The following ADK variants were observed in gnomAD, a reference collection of about 807,000 sequenced individuals.
The protein encoded by ADK is N6,N6-dimethyladenosine kinase.
A neutral mutation model predicts 44.7 loss-of-function variants in ADK; 24 were observed. The ratio of observed to expected loss-of-function variants is 0.54; its 90% CI spans 0.39 to 0.76. ADK has a LOEUF of 0.76. Among genes scored for constraint, ADK ranks in the 30% least tolerant of loss-of-function variants. The pLI, the probability that ADK is intolerant of heterozygous loss-of-function variation, is 0.00. For missense variants in ADK, 321 were observed against 425.1 expected, an observed-to-expected ratio of 0.76 and a Z score of 2.15; for synonymous variants, 128 against 142.6, an observed-to-expected ratio of 0.90 and a Z score of 0.73.
intron 3 of ADK, among the ~76,000 whole-genome samples, chr10:74,237,378 C>G (rs1425915296): frequency 6.6e-6 from 1 of 152,208 alleles, no homozygotes; most frequent in Non-Finnish European, 1.5e-5. Flanking sequence ...CATCTTCAGG[C>G]TCCACTTCCA....
intron 9 of ADK, among the ~76,000 whole-genome samples, chr10:74,659,640 A>G (rs1854623371): frequency 6.6e-6 from 1 of 152,218 alleles, no homozygotes; most frequent in Non-Finnish European, 1.5e-5. Context: ...AAGTAGTATT[A>G]ACTCACACAA....
intron 4 of ADK, among the ~76,000 whole-genome samples, chr10:74,370,044 G>T (rs562695299): frequency 6.6e-6 from 1 of 152,038 alleles, no homozygotes; most frequent in Non-Finnish European, 1.5e-5. Context: ...ATAAATAATA[G>T]GCTATACTTG....
At chr10:74,343,030 G>T (rs1455526852) in intron 4 of ADK, among the ~76,000 whole-genome samples, 2 of 152,132 alleles carry the variant, frequency 1.3e-5, no homozygotes, top group Admixed American at 1.3e-4. Context: ...AACAGAAGTG[G>T]CAAGAAGAGA....
At chr10:74,576,425 A>G (rs1389872969) in intron 7 of ADK, among the ~76,000 whole-genome samples, 1 of 152,178 alleles carries the variant, frequency 6.6e-6, no homozygotes, top group South Asian at 2.1e-4. Flanking sequence ...ATGCTAAGAA[A>G]TTTTGGATGG....
intron 1 of ADK, among the ~76,000 whole-genome samples, chr10:74,193,438 ATGGTGTG>A (rs1348304613): frequency 1.3e-5 from 2 of 149,420 alleles, no homozygotes; most frequent in African/African-American, 2.5e-5. Context: ...TAGTGTTTTC[ATGGTGTG>A]TCTTTTTGCT....
At position 74,332,335 on chromosome 10, in the gene ADK, T is replaced by C. The variant is rs571438341; in HGVS notation, c.273+17590T>C. On this transcript the variant is annotated intron_variant, in intron 4 of 10. Transcript: ENST00000539909. ...TGTATTTTTTTATTTCTGTACAAAG[T>C]TTACTCACATTTCTATGTCTAGCCA... is the stretch of plus-strand genomic sequence containing the variant. Among the ~76,000 whole-genome samples, 5 of 152,334 alleles carry C rather than the reference T, an allele frequency of 3.3e-5. No homozygotes were observed. In the East Asian group the frequency reaches 9.6e-4, roughly 29 times the overall value.
At chr10:74,154,387 G>A (rs1564563919) in intron 1 of ADK, among the ~76,000 whole-genome samples, 1 of 152,078 alleles carries the variant, frequency 6.6e-6, no homozygotes, top group Non-Finnish European at 1.5e-5. Context: ...TGCTGCCTCC[G>A]CCTCCCAAGT....
chr10:74,255,473 T>C (rs1038653681), intron 3 of ADK, among the ~76,000 whole-genome samples: 2 of 152,178 alleles, frequency 1.3e-5, no homozygotes, highest in Non-Finnish European at 2.9e-5. Context: ...TTGGTTCTGC[T>C]TTTACCTTTG....
At chr10:74,515,613 C>G (rs1472208231) in intron 6 of ADK, among the ~76,000 whole-genome samples, 3 of 152,096 alleles carry the variant, frequency 2.0e-5, no homozygotes, top group Non-Finnish European at 4.4e-5. Context: ...GACTGTTGGG[C>G]AGGCCAAGGG....
At chr10:74,418,190 C>T (rs181873326) in intron 6 of ADK, among the ~76,000 whole-genome samples, 166 of 152,238 alleles carry the variant, frequency 1.1e-3, no homozygotes, top group African/African-American at 3.2e-3. Context: ...AACTTGTACT[C>T]CCCAAAATAA....
At chr10:74,297,784 C>T (rs1444210795) in intron 3 of ADK, among the ~76,000 whole-genome samples, 1 of 152,182 alleles carries the variant, frequency 6.6e-6, no homozygotes, top group African/African-American at 2.4e-5. Context: ...TATTAGAAGA[C>T]ACTGATGCAT....
At chr10:74,421,233 A>G (rs1844544657) in intron 6 of ADK, among the ~76,000 whole-genome samples, 1 of 152,178 alleles carries the variant, frequency 6.6e-6, no homozygotes, top group African/African-American at 2.4e-5. Flanking sequence ...GAAACACTCT[A>G]TTCTAGTTGG....
intron 9 of ADK, among the ~76,000 whole-genome samples, chr10:74,668,909 G>A (rs1219482835): frequency 6.6e-6 from 1 of 150,852 alleles, no homozygotes; most frequent in Non-Finnish European, 1.5e-5. Context: ...TTGACCAGCT[G>A]TGGTGCTGCG....
At chr10:74,342,017 A>G (rs1402843617) in intron 4 of ADK, among the ~76,000 whole-genome samples, 8 of 152,186 alleles carry the variant, frequency 5.3e-5, no homozygotes, top group Non-Finnish European at 4.4e-5. Flanking sequence ...GTAGCATGAA[A>G]AAAAAGCTTT....
intron 3 of ADK, among the ~76,000 whole-genome samples, chr10:74,271,643 A>G (rs951822259): frequency 2.3e-5 from 3 of 132,532 alleles, no homozygotes; most frequent in Admixed American, 8.2e-5. Context: ...ATTCCCATCT[A>G]TGAGTGAGAA....
At chr10:74,564,466 T>G (rs529398973) in intron 7 of ADK, among the ~76,000 whole-genome samples, 1 of 152,288 alleles carries the variant, frequency 6.6e-6, no homozygotes, top group African/African-American at 2.4e-5. Context: ...CTTTTACTGT[T>G]TTTCTTCCTA....
chr10:74,362,729 C>T (rs1056862876), intron 4 of ADK, among the ~76,000 whole-genome samples: 2 of 152,216 alleles, frequency 1.3e-5, no homozygotes, highest in African/African-American at 4.8e-5. Context: ...AGCTGACTTA[C>T]TATTGCATTC....
chr10:74,486,665 G>A (rs569048084), intron 6 of ADK, among the ~76,000 whole-genome samples: 11 of 152,266 alleles, frequency 7.2e-5, no homozygotes, highest in African/African-American at 2.6e-4. Context: ...TGATCCAAAT[G>A]TGAGTTCCAG....
At chr10:74,608,745 C>T (rs928561789) in intron 9 of ADK, among the ~76,000 whole-genome samples, 3 of 152,200 alleles carry the variant, frequency 2.0e-5, no homozygotes, top group East Asian at 1.9e-4. Flanking sequence ...TAGGAGAGCT[C>T]GAGCACTGTG....
Sources: allele counts gnomAD v4.1 joint callset (sites outside exome capture counted in the v4.1 genomes callset), GRCh38; gene constraint gnomAD v4.1.1; transcripts MANE v1.5; gene names NCBI Gene and HGNC (gene_info 2026-07-23, HGNC 2026-07-21).